Variants in CCDC88A observed in about 807,000 individuals in gnomAD.
CCDC88A encodes the protein girdin.
CCDC88A carries 54 observed loss-of-function variants against 234.3 expected under a neutral mutation model. The observed-to-expected ratio is 0.23, with a 90% CI of 0.19 to 0.29. The LOEUF (loss-of-function observed/expected upper bound fraction) is 0.29. CCDC88A is among the 10% of genes least tolerant of loss of function. The pLI is 1.00. For missense variants in CCDC88A, 1,832 were observed against 2,123.4 expected, an observed-to-expected ratio of 0.86 and a Z score of 2.70; for synonymous variants, 753 against 737.8, an observed-to-expected ratio of 1.02 and a Z score of -0.33.
At chr2:55,370,887 C>T (rs72618671) in intron 5 of CCDC88A, among the ~76,000 whole-genome samples, 9,435 of 151,598 alleles carry the variant, frequency 0.062, 717 homozygotes, top group East Asian at 0.42. Context: ...TGGCACATGC[C>T]CGTAGTTCCA....
At chr2:55,390,968 T>C (rs1224906317) in intron 2 of CCDC88A, among the ~76,000 whole-genome samples, 1 of 152,218 alleles carries the variant, frequency 6.6e-6, no homozygotes, top group Non-Finnish European at 1.5e-5. Context: ...GGTGGAAGCC[T>C]GTCTTGAAAA....
intron 17 of CCDC88A, among the ~76,000 whole-genome samples, chr2:55,325,782 T>G (rs183561238): frequency 1.2e-4 from 18 of 152,352 alleles, no homozygotes; most frequent in African/African-American, 3.4e-4. Context: ...ATTTTGCAGC[T>G]CTGTTACTAG....
At chr2:55,330,773 C>G (rs943407962) in intron 16 of CCDC88A, among the ~76,000 whole-genome samples, 1 of 152,154 alleles carries the variant, frequency 6.6e-6, no homozygotes, top group Non-Finnish European at 1.5e-5. Context: ...GTTGCCTAGA[C>G]TATTATAATC....
intron 17 of CCDC88A, among the ~76,000 whole-genome samples, chr2:55,326,422 C>A (rs192608220): frequency 4.1e-4 from 63 of 152,228 alleles, no homozygotes; most frequent in African/African-American, 1.5e-3. Context: ...TTATACTATT[C>A]GTATTTAACT....
chr2:55,419,529 C>T lies in CCDC88A; in HGVS notation c.-450G>A. On this transcript the variant is annotated 5_prime_UTR_variant, in exon 1 of 33. Transcript: ENST00000436346. The stretch of plus-strand genomic sequence containing the variant: ...TTAAGGATACCGAGGCGCCACCAGA[C>T]TCGACCTCGGCGTTCCGACCTCTAC... The T allele has an allele frequency of 7.1e-6, 1 of 141,604 alleles. No individual in the cohort carries two copies. Among genetic ancestry groups the T allele is most frequent in the Non-Finnish European group, 1.6e-5 (1 of 64,200 alleles). 8.8% of individuals were successfully genotyped at this position (141,604 alleles called of 1,614,324 possible).
chr2:55,327,113 G>A (rs1684363728), intron 17 of CCDC88A, among the ~76,000 whole-genome samples: 1 of 151,866 alleles, frequency 6.6e-6, no homozygotes, highest in Non-Finnish European at 1.5e-5. Flanking sequence ...CTCTGGCTCT[G>A]AGAATGTCTG....
intron 13 of CCDC88A, among the ~76,000 whole-genome samples, chr2:55,338,708 T>A (rs1171171666): frequency 6.6e-6 from 1 of 152,158 alleles, no homozygotes; most frequent in African/African-American, 2.4e-5. Context: ...GCAAGAAAGC[T>A]CTTAAGGAGT....
In CCDC88A at chr2:55,301,861, A is replaced by G; in HGVS notation, c.4672+11T>C. ...AATTACACCACAGTGCAAATAGCAG[A>G]CAGCCTATACCTTTATTATTAACCA... On this transcript the variant is annotated intron_variant, in intron 27 of 32. Transcript: ENST00000436346. 3 of 1,611,534 alleles carry G rather than the reference A, an allele frequency of 1.9e-6. No homozygotes were observed. Among genetic ancestry groups the G allele is most frequent in the Non-Finnish European group, 2.5e-6 (3 of 1,178,284 alleles).
chr2:55,355,937 T>C, intron 7 of CCDC88A, 186 bp from the exon 8 acceptor site: 1 of 447,960 alleles, frequency 2.2e-6, no homozygotes, highest in South Asian at 4.9e-5. Context: ...ATGGGCTACT[T>C]AGCAAATGAC....
intron 9 of CCDC88A, among the ~76,000 whole-genome samples, chr2:55,347,606 C>T (rs1487098735): frequency 4.9e-5 from 5 of 102,134 alleles, no homozygotes; most frequent in Admixed American, 1.1e-4. Context: ...ATTCATCTAC[C>T]TTTTTTTTTT....
chr2:55,412,462 T>G (rs1287053747), intron 2 of CCDC88A, among the ~76,000 whole-genome samples: 1 of 152,234 alleles, frequency 6.6e-6, no homozygotes, highest in Non-Finnish European at 1.5e-5. Context: ...CATTACTGCC[T>G]GAGCTCTGCC....
At chr2:55,306,657 C>T (rs542968812) in intron 25 of CCDC88A, among the ~76,000 whole-genome samples, 1 of 152,236 alleles carries the variant, frequency 6.6e-6, no homozygotes, top group Admixed American at 6.5e-5. Context: ...GCAATATTGG[C>T]TTACTGCTAT....
rs1441984435 is a variant in CCDC88A, at chr2:55,317,485, GTTTAATATATAAAA to G, written c.3602+65_3602+78del. 5.1e-6 allele frequency: 6 copies of G among 1,172,242 alleles called. No individual in the cohort carries two copies. In the African/African-American group the frequency reaches 9.4e-5, roughly 18 times the overall value. The allele number at this position is 1,172,242 out of a possible 1,614,324, so 72.6% of individuals were successfully genotyped here. On this transcript the variant is annotated intron_variant, in intron 20 of 32. Transcript: ENST00000436346. This position sits in a 1 kb window ranked among gnomAD's most constrained non-coding sequence, Gnocchi z 4.2. Reference sequence around the variant, plus strand: ...TCTTATGTAAACTAACATTAGATGTGTTTAATATATAAAATTTATTATACTACTTGAAGAAAATT... The same window carrying G: ...TCTTATGTAAACTAACATTAGATGTGTTTATTATACTACTTGAAGAAAATT...
chr2:55,401,434 C>CAAAAAAAAAAAAAA (rs1174693653), intron 2 of CCDC88A, among the ~76,000 whole-genome samples: 2 of 45,806 alleles, frequency 4.4e-5, no homozygotes, highest in African/African-American at 8.3e-5. Flanking sequence ...ACTCTGTCTC[C>CAAAAAAAAAAAAAA]AAAAAAAAAA....
intron 2 of CCDC88A, among the ~76,000 whole-genome samples, chr2:55,393,533 A>C (rs1409266379): frequency 6.6e-6 from 1 of 151,936 alleles, no homozygotes; most frequent in Non-Finnish European, 1.5e-5. Context: ...ACCTCAAGTG[A>C]TCCACCTACC....
chr2:55,347,371 T>C (rs1296011462), intron 9 of CCDC88A, among the ~76,000 whole-genome samples: 1 of 152,088 alleles, frequency 6.6e-6, no homozygotes, highest in Non-Finnish European at 1.5e-5. Context: ...TATTTGTCTT[T>C]TTCACTTTCA....
At chr2:55,304,199 G>A (rs927194208) in intron 25 of CCDC88A, among the ~76,000 whole-genome samples, 2 of 150,308 alleles carry the variant, frequency 1.3e-5, no homozygotes, top group African/African-American at 2.5e-5. Flanking sequence ...TCTGGAGGGT[G>A]AGGCAGGAGG....
At chr2:55,402,596 G>A (rs1225291125) in intron 2 of CCDC88A, among the ~76,000 whole-genome samples, 1 of 151,918 alleles carries the variant, frequency 6.6e-6, no homozygotes, top group East Asian at 1.9e-4. Context: ...CACGTTCAAT[G>A]GATCTTTTAA....
At chr2:55,360,695 C>T (rs1043505207) in intron 7 of CCDC88A, among the ~76,000 whole-genome samples, 3 of 152,204 alleles carry the variant, frequency 2.0e-5, no homozygotes, top group Admixed American at 6.5e-5. Flanking sequence ...GTATTCTGTT[C>T]ACCCCATATT....
Sources: allele counts gnomAD v4.1 joint callset (sites outside exome capture counted in the v4.1 genomes callset), GRCh38; gene constraint gnomAD v4.1.1; non-coding constraint Gnocchi (gnomAD v3.1); transcripts MANE v1.5; gene names NCBI Gene and HGNC (gene_info 2026-07-23, HGNC 2026-07-21).